RAD18: variants seen among roughly 807,000 people sequenced by gnomAD.
RAD18 encodes E3 ubiquitin-protein ligase RAD18.
RAD18 carries 47 observed loss-of-function variants against 60.4 expected under a neutral mutation model. That is an observed-to-expected ratio of 0.78 (90% CI 0.62 to 0.99). The LOEUF (loss-of-function observed/expected upper bound fraction) is 0.99. Ranked by LOEUF, RAD18 falls within the 50% of genes least tolerant of loss-of-function variation. The pLI is 0.00. For synonymous variants in RAD18, 225 were observed against 195.5 expected, an observed-to-expected ratio of 1.15 and a Z score of -1.26; for missense variants, 640 against 593.3, an observed-to-expected ratio of 1.08 and a Z score of -0.82.
intron 7 of RAD18, chr3:8,931,513 G>C (rs1940552842): frequency 6.6e-6 from 1 of 152,290 alleles, no homozygotes; most frequent in South Asian, 2.1e-4. Flanking sequence ...GGACCTGCCA[G>C]CTGCACAGAT....
intron 1 of RAD18, 30 bp from the exon 2 acceptor site, chr3:8,959,031 C>A: frequency 6.4e-7 from 1 of 1,561,312 alleles, no homozygotes; most frequent in Non-Finnish European, 8.8e-7. Context: ...ATATACATAT[C>A]AGAAAGACAT....
intron 4 of RAD18, among the ~76,000 whole-genome samples, chr3:8,942,774 C>G (rs1302623985): frequency 2.0e-5 from 3 of 152,174 alleles, no homozygotes; most frequent in Non-Finnish European, 2.9e-5. Flanking sequence ...TGAAAGGGAA[C>G]CCCACCAGTC....
chr3:8,888,541 C>A (rs1939623642), intron 12 of RAD18, among the ~76,000 whole-genome samples: 1 of 152,328 alleles, frequency 6.6e-6, no homozygotes, highest in Admixed American at 6.5e-5. Flanking sequence ...AGAACTGCAA[C>A]ATTTTGTTGA....
chr3:8,939,418 A>G, intron 6 of RAD18, 136 bp downstream of exon 6: 1 of 623,628 alleles, frequency 1.6e-6, no homozygotes, highest in Non-Finnish European at 2.7e-6. Flanking sequence ...AGAAGTGGCC[A>G]ACAGGAGTAA....
Position 8,881,131 on chromosome 3 carries a change from G to A in RAD18, c.*226C>T, listed in dbSNP as rs938864843. On this transcript the variant is annotated 3_prime_UTR_variant, in exon 13 of 13. Coordinates refer to ENST00000264926, the MANE Select transcript of RAD18 (RefSeq NM_020165.4). ...AAGCTGGTACCTGTGTGAAATGTCA[G>A]TATTTTTAGAGAGAGATGTTTTAGA... is the stretch of plus-strand genomic sequence containing the variant. 2 of 469,892 alleles carry A rather than the reference G, an allele frequency of 4.3e-6. No individual in the cohort carries two copies. Among genetic ancestry groups the A allele is most frequent in the Non-Finnish European group, 7.6e-6 (2 of 262,970 alleles). 29.1% of individuals were successfully genotyped at this position (469,892 alleles called of 1,614,324 possible). A position where few individuals can be genotyped will look rare whatever the true frequency, so the allele number is the denominator to read the frequency against.
At chr3:8,931,871 A>G (rs1331989766) in intron 7 of RAD18, among the ~76,000 whole-genome samples, 5 of 152,254 alleles carry the variant, frequency 3.3e-5, no homozygotes, top group Non-Finnish European at 7.3e-5. Flanking sequence ...GGATTTGACA[A>G]TGAGGGCAAA....
chr3:8,929,057 G>A (rs1940501027), intron 7 of RAD18, among the ~76,000 whole-genome samples: 1 of 152,042 alleles, frequency 6.6e-6, no homozygotes, highest in Non-Finnish European at 1.5e-5. Flanking sequence ...GGATGGGAAG[G>A]TAAATACAAC....
At chr3:8,930,787 T>C (rs1940539951) in intron 7 of RAD18, among the ~76,000 whole-genome samples, 1 of 152,160 alleles carries the variant, frequency 6.6e-6, no homozygotes, top group African/African-American at 2.4e-5. Flanking sequence ...TACCTATAAG[T>C]TGGGGTATTC....
At position 8,961,361 on chromosome 3, in the gene RAD18, C is replaced by T. The variant is rs557926157; in HGVS notation, c.51+1974G>A. Among the ~76,000 whole-genome samples, 7 of 152,266 alleles carry T rather than the reference C, an allele frequency of 4.6e-5. No homozygotes were observed. In the South Asian group the frequency reaches 1.2e-3, roughly 27 times the overall value. On this transcript the variant is annotated intron_variant, in intron 1 of 12. Coordinates refer to ENST00000264926, the MANE Select transcript of RAD18 (RefSeq NM_020165.4). ...GAGAAGTAGAAAATGGGTGGAAAAA[C>T]GTAATAATTACAAAAATACTCTTAA...
intron 7 of RAD18, among the ~76,000 whole-genome samples, chr3:8,925,514 C>T (rs928360536): frequency 6.6e-6 from 1 of 152,184 alleles, no homozygotes; most frequent in Non-Finnish European, 1.5e-5. Context: ...CCTTCTGAAA[C>T]TATTCCAATC....
intron 7 of RAD18, among the ~76,000 whole-genome samples, chr3:8,915,608 G>A (rs1463733806): frequency 6.9e-6 from 1 of 144,924 alleles, no homozygotes; most frequent in East Asian, 2.0e-4. Flanking sequence ...TTTTGAGACT[G>A]AGTCTCGCTC....
At chr3:8,951,141 T>G (rs1940919690) in intron 2 of RAD18, among the ~76,000 whole-genome samples, 1 of 152,208 alleles carries the variant, frequency 6.6e-6, no homozygotes, top group Non-Finnish European at 1.5e-5. Flanking sequence ...CTAAACTACT[T>G]ATCCTGGAAG....
At chr3:8,917,018 C>T (rs1448770729) in intron 7 of RAD18, among the ~76,000 whole-genome samples, 1 of 152,078 alleles carries the variant, frequency 6.6e-6, no homozygotes, top group Non-Finnish European at 1.5e-5. Flanking sequence ...TAAAAACAAA[C>T]CCAAAATGAC....
rs1474653076 is a variant in RAD18 at position 8,902,320 on chromosome 3, TC to T, written c.1168+59del. On this transcript the variant is annotated intron_variant, in intron 10 of 12. Transcript: ENST00000264926. ...AGTAAATTTCTTTGGTTTAATTTTT[TC>T]ATATTAAAAGTAAATAATGAAATTC... The T allele has an allele frequency of 1.1e-5, 15 of 1,364,934 alleles. No homozygotes were observed. In the South Asian group the frequency reaches 2.5e-4, roughly 22 times the overall value. The allele number at this position is 1,364,934 out of a possible 1,614,324, so 84.6% of individuals were successfully genotyped here. A position where few individuals can be genotyped will look rare whatever the true frequency, so the allele number is the denominator to read the frequency against.
chr3:8,897,514 A>AG (rs1356298583), intron 11 of RAD18, among the ~76,000 whole-genome samples: 1 of 152,170 alleles, frequency 6.6e-6, no homozygotes, highest in East Asian at 1.9e-4. Context: ...CCCCACCCTG[A>AG]GAACGCCCAG....
chr3:8,883,828 C>T (rs1364084118), intron 12 of RAD18, among the ~76,000 whole-genome samples: 1 of 152,176 alleles, frequency 6.6e-6, no homozygotes, highest in Admixed American at 6.5e-5. Flanking sequence ...TTTACCCCAA[C>T]TGTTATCTAC....
chr3:8,961,055 G>A lies in RAD18; in HGVS notation c.52-2054C>T, dbSNP rs529245443. On this transcript the variant is annotated intron_variant, in intron 1 of 12. Coordinates refer to ENST00000264926, the MANE Select transcript of RAD18 (RefSeq NM_020165.4). ...CAAGATCAATTAAGAGCAGAGGCAGGCCCAGAAGCCAGAACCAGTCTATTA... is the reference window on the plus strand; with the variant it reads ...CAAGATCAATTAAGAGCAGAGGCAGACCCAGAAGCCAGAACCAGTCTATTA... 3.3e-5 allele frequency among the ~76,000 whole-genome samples: 5 copies of A among 152,280 alleles called. No homozygotes were observed. In the East Asian group the frequency reaches 9.6e-4, roughly 29 times the overall value.
chr3:8,959,461 T>A (rs1242151905), intron 1 of RAD18, among the ~76,000 whole-genome samples: 1 of 152,158 alleles, frequency 6.6e-6, no homozygotes, highest in Non-Finnish European at 1.5e-5. Context: ...AACTGTCTAG[T>A]CAAAAGAGGA....
chr3:8,899,537 G>C (rs1345959687), intron 10 of RAD18, among the ~76,000 whole-genome samples: 1 of 152,116 alleles, frequency 6.6e-6, no homozygotes, highest in African/African-American at 2.4e-5. Context: ...CTATGGAAAA[G>C]GACAACTAAA....
Sources: gnomAD v4.1 joint callset for allele counts (sites outside exome capture counted in the v4.1 genomes callset) on GRCh38, gnomAD v4.1.1 for gene constraint, MANE v1.5 for transcripts, NCBI Gene and HGNC (gene_info 2026-07-23, HGNC 2026-07-21) for gene names.